CNBD1: variants seen among roughly 807,000 people sequenced by gnomAD.
CNBD1 encodes cyclic nucleotide binding domain containing 1.
In CNBD1, 71 loss-of-function variants were observed where a neutral mutation model predicts 54.4. The observed-to-expected ratio is 1.30, with a 90% CI of 1.08 to 1.59. CNBD1 has a LOEUF of 1.59. Among genes scored for constraint, CNBD1 ranks in the 40% most tolerant of loss-of-function variants. The pLI is 0.00. For synonymous variants in CNBD1, 182 were observed against 170.7 expected, an observed-to-expected ratio of 1.07 and a Z score of -0.51; for missense variants, 659 against 518.0, an observed-to-expected ratio of 1.27 and a Z score of -2.64.
chr8:87,115,354 A>C (rs1246878991), intron 4 of CNBD1, among the ~76,000 whole-genome samples: 1 of 152,196 alleles, frequency 6.6e-6, no homozygotes, highest in Non-Finnish European at 1.5e-5. Flanking sequence ...TATATGTCTA[A>C]GCTTGTCTCC....
At chr8:86,961,196 C>A (rs1807919685) in intron 4 of CNBD1, among the ~76,000 whole-genome samples, 1 of 152,098 alleles carries the variant, frequency 6.6e-6, no homozygotes, top group Admixed American at 6.5e-5. Context: ...TAGCTTGGAA[C>A]CCTAGCCATA....
chr8:87,398,780 G>A (rs958134550), intron 2 of CNBD1, among the ~76,000 whole-genome samples: 7 of 151,912 alleles, frequency 4.6e-5, no homozygotes, highest in Non-Finnish European at 1.0e-4. Context: ...TTGCCTTAAG[G>A]CTTCTACATG....
rs112708258 is a variant in CNBD1, at chr8:86,952,714, T to G, written c.431+12960T>G. 5.2e-3 allele frequency among the ~76,000 whole-genome samples: 795 copies of G among 152,254 alleles called. 7 individuals carry two copies. Among genetic ancestry groups the G allele is most frequent in the African/African-American group, 0.017 (689 of 41,568 alleles). On this transcript the variant is annotated intron_variant, in intron 4 of 10. Transcript: ENST00000518476. Reference sequence around the variant, plus strand: ...ATAACTTTTGATACATGTATAAAGGTGTGATATAAACCATTTGTGATATAA... The same window carrying G: ...ATAACTTTTGATACATGTATAAAGGGGTGATATAAACCATTTGTGATATAA...
At chr8:87,069,596 A>T (rs111620473) in intron 4 of CNBD1, among the ~76,000 whole-genome samples, 2,511 of 152,168 alleles carry the variant, frequency 0.017, 54 homozygotes, top group African/African-American at 0.054. Context: ...CACAAAGACA[A>T]AATTGCCTAA....
At chr8:87,054,322 C>T (rs377396893) in intron 4 of CNBD1, among the ~76,000 whole-genome samples, 1 of 152,282 alleles carries the variant, frequency 6.6e-6, no homozygotes, top group East Asian at 1.9e-4. Flanking sequence ...TAATCCATCT[C>T]ATAGAGAGAC....
At chr8:87,376,552 G>C (rs974140879) in intron 10 of CNBD1, among the ~76,000 whole-genome samples, 1 of 151,922 alleles carries the variant, frequency 6.6e-6, no homozygotes, top group African/African-American at 2.4e-5. Flanking sequence ...TATCCTGACA[G>C]ATGTGAAACC....
rs114797675 is a variant in CNBD1 at position 87,340,977 on chromosome 8, C to G, written c.1043-10708C>G. ...GTTTCTTATAAATATGTGTTAGTAT[C>G]TGCGTATTTGAAAATACAACTATCT... is the stretch of plus-strand genomic sequence containing the variant. On this transcript the variant is annotated intron_variant, in intron 8 of 10. Coordinates refer to ENST00000518476, the MANE Select transcript of CNBD1 (RefSeq NM_173538.3). Among the ~76,000 whole-genome samples the G allele has an allele frequency of 8.3e-3, 1,264 of 151,950 alleles. 32 individuals are homozygous for G. Among genetic ancestry groups the G allele is most frequent in the African/African-American group, 0.029 (1,209 of 41,434 alleles).
intron 10 of CNBD1, among the ~76,000 whole-genome samples, chr8:87,359,977 C>A (rs1172634099): frequency 6.6e-6 from 1 of 151,920 alleles, no homozygotes; most frequent in East Asian, 1.9e-4. Context: ...TTAAAAACAG[C>A]AATTCTTTTA....
In CNBD1 at chr8:87,233,617, G is replaced by T. The variant is rs570385291; in HGVS notation, c.578-3302G>T. ...CAGGCTGGAGGGTGCTGAAGATATG[G>T]GTGGTTGCAGCAAATTCTCTCTCTC... On this transcript the variant is annotated intron_variant, in intron 5 of 10. Transcript: ENST00000518476. 2.6e-5 allele frequency among the ~76,000 whole-genome samples: 4 copies of T among 152,092 alleles called. No homozygotes were observed. The East Asian group carries it at 7.8e-4, about 29-fold the overall frequency.
At position 87,072,489 on chromosome 8, in the gene CNBD1, C is replaced by T. The variant is rs773663218; in HGVS notation, c.431+132735C>T. Among the ~76,000 whole-genome samples, 54 of 152,172 alleles carry T rather than the reference C, an allele frequency of 3.5e-4. 1 individual carries two copies. The highest frequency in any genetic ancestry group is 1.0e-3 in the Admixed American group (16 of 15,272). On this transcript the variant is annotated intron_variant, in intron 4 of 10. Coordinates refer to ENST00000518476, the MANE Select transcript of CNBD1 (RefSeq NM_173538.3). ...TTAGTGCTTCCTTTAGGAGCTCTTGCAAGGCAGGCCTGGTGGTGAAGAATT... is the reference window on the plus strand; with the variant it reads ...TTAGTGCTTCCTTTAGGAGCTCTTGTAAGGCAGGCCTGGTGGTGAAGAATT...
At chr8:86,900,380 T>A (rs1439699095) in intron 2 of CNBD1, among the ~76,000 whole-genome samples, 1 of 152,196 alleles carries the variant, frequency 6.6e-6, no homozygotes, top group Non-Finnish European at 1.5e-5. Context: ...ATTTTTTCAG[T>A]CTTAATCGCA....
chr8:87,368,446 G>T (rs977916205), intron 10 of CNBD1, among the ~76,000 whole-genome samples: 2 of 151,860 alleles, frequency 1.3e-5, no homozygotes, highest in African/African-American at 4.8e-5. Context: ...GACTAGACTG[G>T]GCAACATAGT....
chr8:87,399,020 A>AC (rs1364583299), intron 2 of CNBD1, among the ~76,000 whole-genome samples: 2 of 151,914 alleles, frequency 1.3e-5, no homozygotes, highest in Non-Finnish European at 2.9e-5. Flanking sequence ...TCCCCTCCCT[A>AC]CCCCACGCAA....
rs995633106 is a variant in CNBD1 at position 87,280,342 on chromosome 8, C to T, written c.772-4336C>T. The stretch of plus-strand genomic sequence containing the variant: ...TACTCTTCTTTGGAGACTTAGACAA[C>T]TTTGAGAATATAATTAAAGCTAATA... On this transcript the variant is annotated intron_variant, in intron 6 of 10. Coordinates refer to ENST00000518476, the MANE Select transcript of CNBD1 (RefSeq NM_173538.3). Among the ~76,000 whole-genome samples the T allele has an allele frequency of 8.6e-5, 13 of 151,426 alleles. No individual in the cohort carries two copies. The South Asian group carries it at 2.1e-3, about 24-fold the overall frequency.
At chr8:87,209,810 G>T (rs1483455122) in intron 5 of CNBD1, among the ~76,000 whole-genome samples, 3 of 152,214 alleles carry the variant, frequency 2.0e-5, no homozygotes, top group African/African-American at 7.2e-5. Context: ...ACAAGGCAAT[G>T]GCATAAAAAC....
At chr8:87,349,634 C>A (rs1010169000) in intron 8 of CNBD1, among the ~76,000 whole-genome samples, 2 of 152,168 alleles carry the variant, frequency 1.3e-5, no homozygotes, top group Admixed American at 6.5e-5. Context: ...CTCGGCCTCC[C>A]AAAGTGCTGG....
In CNBD1 at chr8:87,322,179, A is replaced by T. The variant is rs199557958; in HGVS notation, c.1043-29506A>T. Among the ~76,000 whole-genome samples the T allele has an allele frequency of 1.6e-5, 2 of 121,956 alleles. 1 individual carries two copies. The highest frequency in any genetic ancestry group is 4.1e-4 in the East Asian group (2 of 4,896). 80.0% of individuals were successfully genotyped at this position (121,956 alleles called of 152,430 possible). ...TAGTATTCCATGGTGTAAATGTGCCACATTTTCTTAATCCAGTCTATCATT... is the reference window on the plus strand; with the variant it reads ...TAGTATTCCATGGTGTAAATGTGCCTCATTTTCTTAATCCAGTCTATCATT... On this transcript the variant is annotated intron_variant, in intron 8 of 10. Transcript: ENST00000518476.
chr8:87,263,054 G>C (rs1808174267), intron 6 of CNBD1, among the ~76,000 whole-genome samples: 1 of 152,070 alleles, frequency 6.6e-6, no homozygotes, highest in Non-Finnish European at 1.5e-5. Context: ...AGACTTCCTA[G>C]GGTTAGTGGA....
chr8:87,300,524 C>T (rs1015569435), intron 8 of CNBD1, among the ~76,000 whole-genome samples: 2 of 152,096 alleles, frequency 1.3e-5, no homozygotes, highest in Non-Finnish European at 2.9e-5. Context: ...TACGTTAGGG[C>T]CACTAGCTGG....
Sources: allele counts gnomAD v4.1 joint callset (sites outside exome capture counted in the v4.1 genomes callset), GRCh38; gene constraint gnomAD v4.1.1; transcripts MANE v1.5; gene names NCBI Gene and HGNC (gene_info 2026-07-23, HGNC 2026-07-21).